IGSF21: variants seen among roughly 807,000 people sequenced by gnomAD.
IGSF21 encodes immunoglobin superfamily member 21, also known as immunoglobulin superfamily member 21.
Under a neutral mutation model 46.8 loss-of-function variants are expected in IGSF21, and 28 were observed. The observed-to-expected ratio is 0.60, with a 90% CI of 0.44 to 0.82. The LOEUF (loss-of-function observed/expected upper bound fraction) is 0.82, where lower values mean the gene tolerates loss of function less well. Among genes scored for constraint, IGSF21 ranks in the 40% least tolerant of loss-of-function variants. The probability of loss-of-function intolerance (pLI) is 0.00; values close to 1 mark genes in which losing one functional copy is unlikely to be tolerated. For missense variants in IGSF21, 624 were observed against 665.5 expected (o/e 0.94, Z 0.69); for synonymous variants, 284 against 273.6 (o/e 1.04, Z -0.38).
intron 1 of IGSF21, among the ~76,000 whole-genome samples, chr1:18,145,120 G>A (rs930909233): frequency 1.3e-5 from 2 of 152,148 alleles, no homozygotes; most frequent in Non-Finnish European, 2.9e-5. Context: ...ACTGCTGCTC[G>A]TGGCATGGTG....
chr1:18,164,080 T>G (rs11260941), intron 1 of IGSF21, among the ~76,000 whole-genome samples: 50,792 of 152,046 alleles, frequency 0.33, 8,825 homozygotes, highest in Middle Eastern at 0.41. Flanking sequence ...ATGATGACAA[T>G]AATGATAGAA....
At chr1:18,331,259 C>A (rs2085710175) in intron 3 of IGSF21, among the ~76,000 whole-genome samples, 2 of 152,066 alleles carry the variant, frequency 1.3e-5, no homozygotes, top group Non-Finnish European at 2.9e-5. Context: ...CTCTCACCCC[C>A]TCCCACCTTT....
intron 3 of IGSF21, among the ~76,000 whole-genome samples, chr1:18,295,493 G>A (rs960560276): frequency 1.3e-5 from 2 of 152,208 alleles, no homozygotes; most frequent in Non-Finnish European, 2.9e-5. Flanking sequence ...AACCATGGGC[G>A]TGTAATGAAG....
intron 2 of IGSF21, among the ~76,000 whole-genome samples, chr1:18,244,620 T>C (rs556175812): frequency 5.8e-4 from 88 of 152,270 alleles, no homozygotes; most frequent in African/African-American, 2.1e-3. Flanking sequence ...AGCAAATAGT[T>C]ATTGAGAGCC....
intron 1 of IGSF21, among the ~76,000 whole-genome samples, chr1:18,180,311 A>G (rs2086844671): frequency 6.6e-6 from 1 of 152,160 alleles, no homozygotes; most frequent in Non-Finnish European, 1.5e-5. Context: ...AAAACCCTGA[A>G]TGAATGAATG....
At chr1:18,319,607 G>A (rs926073336) in intron 3 of IGSF21, among the ~76,000 whole-genome samples, 1 of 151,778 alleles carries the variant, frequency 6.6e-6, no homozygotes, top group Admixed American at 6.6e-5. Flanking sequence ...TTGTTCCAAG[G>A]AATTCACTAG....
chr1:18,208,948 T>C (rs1205087051), intron 1 of IGSF21, among the ~76,000 whole-genome samples: 1 of 152,076 alleles, frequency 6.6e-6, no homozygotes, highest in South Asian at 2.1e-4. Context: ...TCCAGGTATG[T>C]GGGCTCAAGA....
chr1:18,375,605 G>C (rs867810040), intron 6 of IGSF21, among the ~76,000 whole-genome samples: 16 of 152,192 alleles, frequency 1.1e-4, no homozygotes, highest in Non-Finnish European at 1.5e-5. Context: ...CAGGGAGGCT[G>C]TGCACAAGGA....
intron 1 of IGSF21, among the ~76,000 whole-genome samples, chr1:18,177,900 G>A (rs556648669): frequency 4.6e-5 from 7 of 152,224 alleles, no homozygotes; most frequent in East Asian, 1.9e-4. Flanking sequence ...ATGAAGAGGC[G>A]CTGAGATTGG....
At chr1:18,228,785 G>A (rs570735292) in intron 2 of IGSF21, among the ~76,000 whole-genome samples, 3 of 152,266 alleles carry the variant, frequency 2.0e-5, no homozygotes, top group South Asian at 4.1e-4. Context: ...TCTAAACAGG[G>A]GTTGGCAACA....
At position 18,248,467 on chromosome 1, in the gene IGSF21, G is replaced by T. The variant is rs2084805092; in HGVS notation, c.183+20457G>T. 2.0e-5 allele frequency among the ~76,000 whole-genome samples: 3 copies of T among 152,154 alleles called. No individual in the cohort carries two copies. The South Asian group carries it at 6.2e-4, about 32-fold the overall frequency. ...TGCTGGGATTTTCCATTAGAACAGGGAGGCTCGCTGTTGTGGCTTTCTAGA... is the reference window on the plus strand; with the variant it reads ...TGCTGGGATTTTCCATTAGAACAGGTAGGCTCGCTGTTGTGGCTTTCTAGA... On this transcript the variant is annotated intron_variant, in intron 2 of 9. Transcript: ENST00000251296.
chr1:18,292,083 C>T (rs891292651), intron 3 of IGSF21, 96 bp downstream of exon 3: 14 of 1,314,268 alleles, frequency 1.1e-5, no homozygotes, highest in East Asian at 2.3e-5. Context: ...ACATCAATCC[C>T]TCGGTGCTCT....
intron 2 of IGSF21, among the ~76,000 whole-genome samples, chr1:18,287,079 G>A (rs942570724): frequency 6.6e-6 from 1 of 150,998 alleles, no homozygotes; most frequent in Non-Finnish European, 1.5e-5. Flanking sequence ...TACTTGGGAG[G>A]CTGAGGCAGG....
intron 2 of IGSF21, among the ~76,000 whole-genome samples, chr1:18,251,457 G>A (rs2084840824): frequency 6.6e-6 from 1 of 152,292 alleles, no homozygotes; most frequent in Non-Finnish European, 1.5e-5. Context: ...CTTCCATGAA[G>A]TGACTCAGGG....
rs151331279 is a variant in IGSF21, at chr1:18,363,453, G to T, written c.540+1223G>T. Among the ~76,000 whole-genome samples the T allele has an allele frequency of 5.8e-3, 873 of 150,782 alleles. 4 individuals are homozygous for T. Among genetic ancestry groups the T allele is most frequent in the Non-Finnish European group, 9.5e-3 (643 of 67,584 alleles). On this transcript the variant is annotated intron_variant, in intron 5 of 9. Coordinates refer to ENST00000251296, the MANE Select transcript of IGSF21 (RefSeq NM_032880.5). ...AGTAAGCAGGTGCACAGAGACACAG[G>T]TGGGGCAGCTGGCAGGGTCACAGGG...
intron 2 of IGSF21, among the ~76,000 whole-genome samples, chr1:18,289,365 C>T (rs2085245513): frequency 6.6e-6 from 1 of 152,188 alleles, no homozygotes; most frequent in Non-Finnish European, 1.5e-5. Context: ...TGAGCCTGGC[C>T]ACCAGGGGTG....
At chr1:18,340,459 C>T (rs2085820962) in intron 4 of IGSF21, among the ~76,000 whole-genome samples, 1 of 152,232 alleles carries the variant, frequency 6.6e-6, no homozygotes, top group South Asian at 2.1e-4. Flanking sequence ...CAGTGACTTA[C>T]TGAGCATTCC....
chr1:18,163,468 G>A (rs562327249), intron 1 of IGSF21, among the ~76,000 whole-genome samples: 20 of 152,274 alleles, frequency 1.3e-4, no homozygotes, highest in Admixed American at 2.6e-4. Context: ...GGCACTTGCC[G>A]GGAGGCGGTT....
chr1:18,314,356 C>G (rs974708125), intron 3 of IGSF21, among the ~76,000 whole-genome samples: 3 of 151,878 alleles, frequency 2.0e-5, no homozygotes, highest in African/African-American at 7.3e-5. Context: ...GACTAGCTAC[C>G]CCTTTCTTAC....
Sources: gnomAD v4.1 joint callset for allele counts (sites outside exome capture counted in the v4.1 genomes callset) on GRCh38, gnomAD v4.1.1 for gene constraint, MANE v1.5 for transcripts, NCBI Gene and HGNC (gene_info 2026-07-23, HGNC 2026-07-21) for gene names.